MTMR9: variants seen among roughly 807,000 people sequenced by gnomAD.
MTMR9 encodes myotubularin related protein 9.
In MTMR9, 39 loss-of-function variants were observed where a neutral mutation model predicts 69.5. The ratio of observed to expected loss-of-function variants is 0.56; its 90% CI spans 0.43 to 0.73. The LOEUF (loss-of-function observed/expected upper bound fraction) is 0.73. Among genes scored for constraint, MTMR9 ranks in the 30% least tolerant of loss-of-function variants. The probability of loss-of-function intolerance (pLI) is 0.00; values close to 1 mark genes in which losing one functional copy is unlikely to be tolerated. For missense variants in MTMR9, 900 were observed against 671.2 expected (o/e 1.34, Z -3.77); for synonymous variants, 354 against 240.8 (o/e 1.47, Z -4.35).
chr8:11,327,924 C>T lies in MTMR9; in HGVS notation c.*5136C>T, dbSNP rs1302243615. 6.6e-6 allele frequency: 1 copy of T among 152,212 alleles called. No individual in the cohort carries two copies. The highest frequency in any genetic ancestry group is 2.4e-5 in the African/African-American group (1 of 41,424). 9.4% of individuals were successfully genotyped at this position (152,212 alleles called of 1,614,324 possible). ...AATATTCACTAGGTGATAATTTCCC[C>T]TGTACCCTATAACTGTAATCATTCA... On this transcript the variant is annotated 3_prime_UTR_variant, in exon 10 of 10. Transcript: ENST00000221086.
Position 11,300,038 on chromosome 8 carries a change from G to C in MTMR9, c.307G>C (p.Asp103His), listed in dbSNP as rs772183374. The C allele has an allele frequency of 1.5e-5, 25 of 1,612,954 alleles. No homozygotes were observed. The highest frequency in any genetic ancestry group is 2.1e-5 in the Non-Finnish European group (25 of 1,179,386). ...ASSIEALSTL[D>H]SITLMYPFFY... Reference sequence around the variant, plus strand: ...TTGCCCCCAGGCATTGTCTACTCTGGACTCCATCACTCTGATGTACCCTTT... The same window carrying C: ...TTGCCCCCAGGCATTGTCTACTCTGCACTCCATCACTCTGATGTACCCTTT... Residue 103 changes from aspartate to histidine, a missense_variant, in exon 3 of 10, where the codon GAC (aspartate) becomes CAC (histidine). Asp to His is a moderately conservative substitution (Grantham distance 81, BLOSUM62 -1). Transcript: ENST00000221086.
intron 5 of MTMR9, 141 bp from the exon 6 acceptor site, chr8:11,309,386 C>G: frequency 1.4e-6 from 1 of 715,410 alleles, no homozygotes; most frequent in Non-Finnish European, 2.2e-6. Context: ...CTTTAATCCT[C>G]AAATTATAGC....
the MTMR9 span, among the ~76,000 whole-genome samples, chr8:11,338,127 T>A: frequency 6.6e-6 from 1 of 152,230 alleles, no homozygotes; most frequent in African/African-American, 2.4e-5. Context: ...GACTCAGAAT[T>A]TAGCGTCCTG....
Position 11,323,862 on chromosome 8 carries a change from G to A in MTMR9, c.*1074G>A, listed in dbSNP as rs1356772957. 6.6e-6 allele frequency: 1 copy of A among 152,196 alleles called. No individual in the cohort carries two copies. Among genetic ancestry groups the A allele is most frequent in the Non-Finnish European group, 1.5e-5 (1 of 68,034 alleles). 9.4% of individuals were successfully genotyped at this position (152,196 alleles called of 1,614,324 possible). A position where few individuals can be genotyped will look rare whatever the true frequency, so the allele number is the denominator to read the frequency against. On this transcript the variant is annotated 3_prime_UTR_variant, in exon 10 of 10. Transcript: ENST00000221086. ...GTGTTAGGCAAATATAACTTAAGTG[G>A]AGGGGGAAGTTTATGAATATAATAT...
rs1385764896 is a variant in MTMR9, at chr8:11,284,855, G to C, written c.-34G>C. 1 of 1,556,064 alleles carries C rather than the reference G, an allele frequency of 6.4e-7. No individual in the cohort carries two copies. The highest frequency in any genetic ancestry group is 1.5e-5 in the African/African-American group (1 of 65,806). On this transcript the variant is annotated 5_prime_UTR_variant, in exon 1 of 10. Coordinates refer to ENST00000221086, the MANE Select transcript of MTMR9 (RefSeq NM_015458.4). ...GCGGGGTAACCGCCTCGCACCTACC[G>C]GGCTCGGTTCCCTGGCTCCGGCCGC...
At position 11,306,230 on chromosome 8, in the gene MTMR9, G is replaced by GGAGGAGGTGC; in HGVS notation, c.633_642dup (p.Lys215GlufsTer24). On this transcript the variant is annotated frameshift_variant, in exon 5 of 10. Coordinates refer to ENST00000221086, the MANE Select transcript of MTMR9 (RefSeq NM_015458.4). LOFTEE classifies it high-confidence loss of function. ...GGTCAGCCACTCACTGGTACAAACG[G>GGAGGAGGTGC]GAGGAGGTGCAAGGAGGACGAGAAG... The GGAGGAGGTGC allele has an allele frequency of 6.2e-7, 1 of 1,613,584 alleles. No homozygotes were observed. Among genetic ancestry groups the GGAGGAGGTGC allele is most frequent in the Non-Finnish European group, 8.5e-7 (1 of 1,179,930 alleles).
chr8:11,330,889 C>T (rs1275630956), downstream of MTMR9: 830 of 1,037,670 alleles, frequency 8.0e-4, 1 homozygote, highest in Non-Finnish European at 6.9e-4. Flanking sequence ...TCCCCCTCTG[C>T]GAGAAACACC....
the MTMR9 span, among the ~76,000 whole-genome samples, chr8:11,338,941 G>T: frequency 1.3e-5 from 2 of 152,136 alleles, no homozygotes; most frequent in Non-Finnish European, 2.9e-5. Context: ...AGGGCTGTTA[G>T]ATATAACATC....
At chr8:11,335,296 A>G in the MTMR9 span, among the ~76,000 whole-genome samples, 1 of 152,256 alleles carries the variant, frequency 6.6e-6, no homozygotes, top group Non-Finnish European at 1.5e-5. Context: ...GAAATTTGAC[A>G]TTTAAAAATA....
At chr8:11,287,634 A>G (rs568269961) in intron 1 of MTMR9, among the ~76,000 whole-genome samples, 1 of 148,500 alleles carries the variant, frequency 6.7e-6, no homozygotes, top group Admixed American at 6.8e-5. Context: ...GAGATGGACA[A>G]TCAAGCAAGT....
In MTMR9 at chr8:11,322,825, G is replaced by A; in HGVS notation, c.*37G>A. 6.3e-7 allele frequency: 1 copy of A among 1,579,462 alleles called. No individual in the cohort carries two copies. ...GCACCCTTCGCAAGGACCTTCTTGG[G>A]CCTGTGTCCGCCGTTCTCTCCTTGT... On this transcript the variant is annotated 3_prime_UTR_variant, in exon 10 of 10. Coordinates refer to ENST00000221086, the MANE Select transcript of MTMR9 (RefSeq NM_015458.4).
chr8:11,288,572 G>T (rs1799274680), intron 1 of MTMR9, among the ~76,000 whole-genome samples: 1 of 152,036 alleles, frequency 6.6e-6, no homozygotes, highest in South Asian at 2.1e-4. Flanking sequence ...ACAAAGACTT[G>T]AGATGGGGAA....
chr8:11,331,033 G>A (rs1368972866), downstream of MTMR9: 3 of 1,523,284 alleles, frequency 2.0e-6, no homozygotes, highest in Non-Finnish European at 1.8e-6. Flanking sequence ...GCACTCCAAT[G>A]AGGTCACAAT....
intron 6 of MTMR9, among the ~76,000 whole-genome samples, chr8:11,311,717 G>A (rs557522752): frequency 1.8e-4 from 27 of 152,278 alleles, no homozygotes; most frequent in African/African-American, 5.5e-4. Flanking sequence ...AGACAGCAAT[G>A]AAGATTGCCG....
intron 1 of MTMR9, among the ~76,000 whole-genome samples, chr8:11,287,218 G>T (rs1056978252): frequency 1.3e-5 from 2 of 152,194 alleles, no homozygotes; most frequent in African/African-American, 4.8e-5. Context: ...AAGAAGGATT[G>T]ACCGCTGAAT....
chr8:11,306,465 G>T, intron 5 of MTMR9, 58 bp downstream of exon 5: 1 of 1,468,346 alleles, frequency 6.8e-7, no homozygotes, highest in South Asian at 1.2e-5. Flanking sequence ...AGTGGGTAAG[G>T]CCTTAGCCAT....
chr8:11,323,053 T>TATTTACACATTTGTGTA lies in MTMR9; in HGVS notation c.*270_*271insCACATTTGTGTAATTTA. The stretch of plus-strand genomic sequence containing the variant: ...TTATTTTTACGTGAAATAGATGACC[T>TATTTACACATTTGTGTA]ATTTAATGCCATTTGTGTTTCATGC... On this transcript the variant is annotated 3_prime_UTR_variant, in exon 10 of 10. Coordinates refer to ENST00000221086, the MANE Select transcript of MTMR9 (RefSeq NM_015458.4). 1 of 271,192 alleles carries TATTTACACATTTGTGTA rather than the reference T, an allele frequency of 3.7e-6. No homozygotes were observed. The highest frequency in any genetic ancestry group is 6.9e-6 in the Non-Finnish European group (1 of 145,140). 16.8% of individuals were successfully genotyped at this position (271,192 alleles called of 1,614,324 possible).
intron 1 of MTMR9, among the ~76,000 whole-genome samples, chr8:11,287,696 T>TTATATATTATATATATTATAA (rs1487079814): frequency 7.4e-6 from 1 of 135,986 alleles, no homozygotes; most frequent in African/African-American, 2.9e-5. Flanking sequence ...ATTATGTTTA[T>TTATATATTATATATATTATAA]TATATATTAT....
At chr8:11,304,272 T>A (rs1261924351) in intron 3 of MTMR9, among the ~76,000 whole-genome samples, 2 of 152,186 alleles carry the variant, frequency 1.3e-5, no homozygotes, top group East Asian at 1.9e-4. Flanking sequence ...TTACCTTTTT[T>A]AAAATAAACA....
Sources: gnomAD v4.1 joint callset for allele counts (sites outside exome capture counted in the v4.1 genomes callset) on GRCh38, gnomAD v4.1.1 for gene constraint, MANE v1.5 for transcripts, NCBI Gene and HGNC (gene_info 2026-07-23, HGNC 2026-07-21) for gene names.